Variants in SEPTIN10 observed in about 807,000 individuals in gnomAD.
The protein encoded by SEPTIN10 is septin-10.
SEPTIN10 carries 66 observed loss-of-function variants against 54.8 expected under a neutral mutation model. That is an observed-to-expected ratio of 1.21 (90% CI 0.99 to 1.48). SEPTIN10 has a LOEUF of 1.48. Among genes scored for constraint, SEPTIN10 ranks in the 40% most tolerant of loss-of-function variants. The pLI is 0.00. For synonymous variants in SEPTIN10, 161 were observed against 181.0 expected, an observed-to-expected ratio of 0.89 and a Z score of 0.89; for missense variants, 620 against 545.6, an observed-to-expected ratio of 1.14 and a Z score of -1.36.
intron 9 of SEPTIN10, among the ~76,000 whole-genome samples, chr2:109,548,775 C>CAAAAAAAAAAA (rs57096452): frequency 3.1e-5 from 2 of 63,594 alleles, no homozygotes; most frequent in Non-Finnish European, 6.0e-5. Flanking sequence ...GGCTCCATCT[C>CAAAAAAAAAAA]AAAAAAAAAA....
chr2:109,565,722 T>C (rs1686825548), intron 7 of SEPTIN10, 41 bp downstream of exon 7: 4 of 1,499,344 alleles, frequency 2.7e-6, no homozygotes, highest in Admixed American at 1.7e-5. Context: ...TTGAGATTAC[T>C]AGATAGATAC....
chr2:109,598,269 C>T (rs1573801421), intron 1 of SEPTIN10, among the ~76,000 whole-genome samples: 3 of 151,944 alleles, frequency 2.0e-5, no homozygotes, highest in South Asian at 4.2e-4. Context: ...GGTTTCTCCA[C>T]GTTGGTTAGG....
chr2:109,573,785 GAGTT>G (rs1275446013), intron 5 of SEPTIN10, among the ~76,000 whole-genome samples: 8 of 152,188 alleles, frequency 5.3e-5, no homozygotes, highest in African/African-American at 1.7e-4. Flanking sequence ...AATCTGAAGT[GAGTT>G]AGTTTATGAA....
intron 1 of SEPTIN10, among the ~76,000 whole-genome samples, chr2:109,593,394 T>C (rs2105960198): frequency 6.8e-6 from 1 of 147,890 alleles, no homozygotes; most frequent in Non-Finnish European, 1.5e-5. Context: ...CATTTACAAG[T>C]AGAGAGAGAA....
intron 1 of SEPTIN10, among the ~76,000 whole-genome samples, chr2:109,607,423 G>C (rs1351850745): frequency 6.6e-6 from 1 of 152,070 alleles, no homozygotes; most frequent in African/African-American, 2.4e-5. Flanking sequence ...CATTCTCAAT[G>C]GGGGCAGTAC....
At chr2:109,549,050 T>C (rs538473158) in intron 9 of SEPTIN10, among the ~76,000 whole-genome samples, 2 of 152,286 alleles carry the variant, frequency 1.3e-5, no homozygotes, top group South Asian at 4.1e-4. Flanking sequence ...ATCAGTTCCT[T>C]AGTATTTGCT....
At chr2:109,607,171 C>T (rs1665666039) in intron 1 of SEPTIN10, among the ~76,000 whole-genome samples, 1 of 152,102 alleles carries the variant, frequency 6.6e-6, no homozygotes, top group Admixed American at 6.5e-5. Flanking sequence ...TAGTATAAAT[C>T]ATAATCACAC....
At chr2:109,601,536 A>G (rs1385116486) in intron 1 of SEPTIN10, among the ~76,000 whole-genome samples, 2 of 152,148 alleles carry the variant, frequency 1.3e-5, no homozygotes, top group Admixed American at 1.3e-4. Flanking sequence ...TATTTCCATA[A>G]ATCACCAATT....
intron 10 of SEPTIN10, 94 bp downstream of exon 10, chr2:109,545,956 T>TA: frequency 6.7e-7 from 1 of 1,483,140 alleles, no homozygotes; most frequent in Non-Finnish European, 9.0e-7. Context: ...AGACAAAGCA[T>TA]AAGGAAGCAG....
At chr2:109,545,506 A>G (rs2104530687) in intron 10 of SEPTIN10, 1 of 1,536,154 alleles carries the variant, frequency 6.5e-7, no homozygotes, top group Non-Finnish European at 8.7e-7. Context: ...AAGCTCTGAC[A>G]TCAATGCACA....
Position 109,553,137 on chromosome 2 carries a change from C to T in SEPTIN10, c.1111G>A (p.Val371Met), listed in dbSNP as rs553535786. 1 of 1,613,968 alleles carries T rather than the reference C, an allele frequency of 6.2e-7. No individual in the cohort carries two copies. Among genetic ancestry groups the T allele is most frequent in the South Asian group, 1.1e-5 (1 of 91,076 alleles). Reference protein sequence around the residue: ...RKEEEMKQMFVQRVKEKEAIL... With the variant: ...RKEEEMKQMFMQRVKEKEAIL... Reference sequence around the variant, plus strand: ...GCTTCTTTCTCCTTTACTCGCTGCACAAACATCTGTTTCATTTCTTCTTCC... The same window carrying T: ...GCTTCTTTCTCCTTTACTCGCTGCATAAACATCTGTTTCATTTCTTCTTCC... The change falls in exon 9 of 11, where the codon GTG (valine) becomes ATG (methionine). Residue 371 changes from valine to methionine, a missense_variant. Val to Met is a conservative substitution (Grantham distance 21). Transcript: ENST00000397712.
intron 8 of SEPTIN10, among the ~76,000 whole-genome samples, chr2:109,563,156 C>T (rs149694398): frequency 6.6e-6 from 1 of 152,212 alleles, no homozygotes; most frequent in African/African-American, 2.4e-5. Flanking sequence ...AGTGGTCTGC[C>T]CGCCTTGGCC....
chr2:109,580,344 A>G (rs1690808476), intron 4 of SEPTIN10, among the ~76,000 whole-genome samples: 1 of 93,746 alleles, frequency 1.1e-5, no homozygotes, highest in Non-Finnish European at 2.5e-5. Context: ...TTTCTCCATA[A>G]AATGCAAAAA....
chr2:109,600,666 T>G (rs1427645009), intron 1 of SEPTIN10, among the ~76,000 whole-genome samples: 1 of 152,120 alleles, frequency 6.6e-6, no homozygotes, highest in Non-Finnish European at 1.5e-5. Context: ...AGACACTAGC[T>G]GGGTGCCCTC....
chr2:109,555,569 T>C (rs1299180640), intron 8 of SEPTIN10, among the ~76,000 whole-genome samples: 1 of 152,200 alleles, frequency 6.6e-6, no homozygotes, highest in Non-Finnish European at 1.5e-5. Context: ...ATGCAGAATG[T>C]TAGCAAACTG....
chr2:109,560,728 G>A (rs1276621286), intron 8 of SEPTIN10, among the ~76,000 whole-genome samples: 1 of 152,086 alleles, frequency 6.6e-6, no homozygotes. Context: ...ACACAAAAAA[G>A]CTAGTCCTCC....
chr2:109,546,974 G>C (rs1681417731), intron 9 of SEPTIN10, among the ~76,000 whole-genome samples: 1 of 152,222 alleles, frequency 6.6e-6, no homozygotes, highest in African/African-American at 2.4e-5. Context: ...CTAAGAAGCA[G>C]CAGATACAGG....
rs369053227 is a variant in SEPTIN10 at position 109,546,056 on chromosome 2, C to G, written c.1343G>C (p.Arg448Pro). The change falls in exon 10 of 11, where the codon CGT becomes CCT. Residue 448 changes from arginine (R) to proline (P), a missense_variant. Coordinates refer to ENST00000397712, the MANE Select transcript of SEPTIN10 (RefSeq NM_144710.5). Reference protein sequence around the residue: ...TGSNLRKDKDRKNSNFL With the variant: ...TGSNLRKDKDPKNSNFL Reference sequence around the variant, plus strand: ...GGGTGGCTGGGCCTCTTACTTCTTACGGTCCTTGTCCTTCCTCAGGTTGCT... The same window carrying G: ...GGGTGGCTGGGCCTCTTACTTCTTAGGGTCCTTGTCCTTCCTCAGGTTGCT... 2 of 1,573,416 alleles carry G rather than the reference C, an allele frequency of 1.3e-6. No individual in the cohort carries two copies. Among genetic ancestry groups the G allele is most frequent in the East Asian group, 2.3e-5 (1 of 43,310 alleles).
Position 109,574,652 on chromosome 2 carries a change from A to G in SEPTIN10, c.529T>C (p.Tyr177His), listed in dbSNP as rs2105441545. Residue 177 changes from tyrosine (Y) to histidine (H), a missense_variant, in exon 5 of 11, where the codon TAC (tyrosine) becomes CAC (histidine). Physicochemically the swap from Tyr to His is moderately conservative, Grantham distance 83. Transcript: ENST00000397712. ...YHDSRIHVCL[Y>H]FISPTGHSLK... Reference sequence around the variant, plus strand: ...GAGTGGCCTGTCGGTGAAATGAAGTAGAGACACACATGGATGCGAGAATCA... The same window carrying G: ...GAGTGGCCTGTCGGTGAAATGAAGTGGAGACACACATGGATGCGAGAATCA... The G allele has an allele frequency of 1.9e-6, 3 of 1,607,944 alleles. No homozygotes were observed. Among genetic ancestry groups the G allele is most frequent in the East Asian group, 2.2e-5 (1 of 44,570 alleles).
Sources: allele counts gnomAD v4.1 joint callset (sites outside exome capture counted in the v4.1 genomes callset), GRCh38; gene constraint gnomAD v4.1.1; transcripts MANE v1.5; gene names NCBI Gene and HGNC (gene_info 2026-07-23, HGNC 2026-07-21).